The following SOX13 variants were observed in gnomAD, a reference collection of about 807,000 sequenced individuals.
SOX13 encodes transcription factor SOX-13.
Under a neutral mutation model 71.8 loss-of-function variants are expected in SOX13, and 28 were observed. The observed-to-expected ratio is 0.39, with a 90% CI of 0.29 to 0.53. SOX13 has a LOEUF of 0.53. Ranked by LOEUF, SOX13 falls within the 20% of genes least tolerant of loss-of-function variation. The pLI is 0.70. For synonymous variants in SOX13, 309 were observed against 317.8 expected (o/e 0.97, Z 0.29); for missense variants, 627 against 810.3 (o/e 0.77, Z 2.75).
chr1:204,105,413 C>CTTTTTTT (rs35841451), intron 1 of SOX13, among the ~76,000 whole-genome samples: 2 of 137,960 alleles, frequency 1.4e-5, no homozygotes, highest in Non-Finnish European at 1.5e-5. Flanking sequence ...TGTATAATCT[C>CTTTTTTT]TTTTTTTTTT....
chr1:204,126,184 C>A lies in SOX13; in HGVS notation c.*50C>A. The A allele has an allele frequency of 6.3e-7, 1 of 1,579,064 alleles. No individual in the cohort carries two copies. ...TTCTCCTCTGGGGAAGACCTTGTCCCAACTCGATGGGCACAGCCAGCCAAC... is the reference window on the plus strand; with the variant it reads ...TTCTCCTCTGGGGAAGACCTTGTCCAAACTCGATGGGCACAGCCAGCCAAC... On this transcript the variant is annotated 3_prime_UTR_variant, in exon 14 of 14. Transcript: ENST00000367204.
rs147486753 is a variant in SOX13 at position 204,122,695 on chromosome 1, C to T, written c.1025-159C>T. ...AGTGTAAGTGGCATATCCCTGAGGA[C>T]ATGCAATGCAGCCGCCCTGTGGAAG... On this transcript the variant is annotated intron_variant, in intron 9 of 13. Transcript: ENST00000367204. The T allele has an allele frequency of 5.0e-5, 31 of 617,166 alleles. No homozygotes were observed. The African/African-American group carries it at 5.6e-4, about 11-fold the overall frequency. 38.2% of individuals were successfully genotyped at this position (617,166 alleles called of 1,614,324 possible). A position where few individuals can be genotyped will look rare whatever the true frequency, so the allele number is the denominator to read the frequency against.
At chr1:204,090,645 A>G (rs561616355) in intron 1 of SOX13, among the ~76,000 whole-genome samples, 1 of 152,082 alleles carries the variant, frequency 6.6e-6, no homozygotes, top group Non-Finnish European at 1.5e-5. Flanking sequence ...TCCTGGCCTC[A>G]AGTGATCCAC....
chr1:204,083,773 G>T (rs72747863), intron 1 of SOX13, among the ~76,000 whole-genome samples: 24,311 of 152,126 alleles, frequency 0.16, 2,128 homozygotes, highest in East Asian at 0.35. Context: ...GGCCACCCTG[G>T]GCTGGGGCTG....
intron 1 of SOX13, among the ~76,000 whole-genome samples, chr1:204,109,802 G>C (rs1176720047): frequency 1.3e-5 from 2 of 151,866 alleles, no homozygotes; most frequent in East Asian, 3.8e-4. Context: ...CGTATACCTT[G>C]TTTTTTATTT....
At position 204,124,710 on chromosome 1, in the gene SOX13, G is replaced by A. The variant is rs757569889; in HGVS notation, c.1445G>A (p.Arg482Gln). The A allele has an allele frequency of 1.9e-6, 3 of 1,613,178 alleles. No homozygotes were observed. Among genetic ancestry groups the A allele is most frequent in the African/African-American group, 1.3e-5 (1 of 74,924 alleles). Residue 482 changes from arginine (R) to glutamine (Q), a missense_variant, in exon 13 of 14, where the codon CGG becomes CAG. Around this residue, in one of 3 missense-constraint regions of SOX13, gnomAD observed 32 missense variants for 85.4 expected, o/e 0.37. Transcript: ENST00000367204. Reference protein sequence around the residue: ...PYYEEQARLSRQHLEKYPDYK... With the variant: ...PYYEEQARLSQQHLEKYPDYK... ...TATGAGGAACAGGCGCGGCTGAGCC[G>A]GCAGCACCTGGAGAAGTATCCTGAC...
intron 1 of SOX13, among the ~76,000 whole-genome samples, chr1:204,097,703 A>G (rs1362354636): frequency 6.6e-6 from 1 of 151,660 alleles, no homozygotes; most frequent in Non-Finnish European, 1.5e-5. Flanking sequence ...CAAAAAAAAA[A>G]AAAAAGAAAA....
intron 1 of SOX13, among the ~76,000 whole-genome samples, chr1:204,085,689 A>C (rs1656001235): frequency 6.6e-6 from 1 of 151,976 alleles, no homozygotes; most frequent in Admixed American, 6.6e-5. Context: ...AAAAAAAAAA[A>C]AAGATCCAGG....
chr1:204,075,524 CAG>C (rs1266604504), intron 1 of SOX13, among the ~76,000 whole-genome samples: 5 of 152,228 alleles, frequency 3.3e-5, no homozygotes. Flanking sequence ...GCGAAATGGG[CAG>C]AGTTATGCAC....
intron 1 of SOX13, among the ~76,000 whole-genome samples, chr1:204,090,208 C>T (rs550902027): frequency 6.6e-6 from 1 of 152,224 alleles, no homozygotes; most frequent in African/African-American, 2.4e-5. Flanking sequence ...AGAGCCAGCA[C>T]AGAGAATGTG....
chr1:204,082,322 C>A (rs1655926400), intron 1 of SOX13, among the ~76,000 whole-genome samples: 1 of 152,010 alleles, frequency 6.6e-6, no homozygotes, highest in Non-Finnish European at 1.5e-5. Context: ...TCCTCCAACC[C>A]ATGGGAACCA....
chr1:204,106,090 A>C (rs1379389035), intron 1 of SOX13, among the ~76,000 whole-genome samples: 2 of 152,224 alleles, frequency 1.3e-5, no homozygotes, highest in Non-Finnish European at 1.5e-5. Flanking sequence ...GGATTATTTT[A>C]GTTTCTGGAA....
intron 13 of SOX13, 56 bp downstream of exon 13, chr1:204,124,913 A>G (rs572993322): frequency 1.5e-6 from 2 of 1,327,082 alleles, no homozygotes; most frequent in Non-Finnish European, 2.1e-6. Flanking sequence ...TGTAGCTCTC[A>G]TGAGTGGCTG....
At chr1:204,122,442 G>T in intron 9 of SOX13, 43 bp downstream of exon 9, 1 of 1,520,670 alleles carries the variant, frequency 6.6e-7, no homozygotes, top group East Asian at 2.4e-5. Flanking sequence ...GCCCTCTTAG[G>T]GGAGAGCCGG....
At position 204,117,102 on chromosome 1, in the gene SOX13, C is replaced by CT. The variant is rs1366542784; in HGVS notation, c.592-19dup. On this transcript the variant is annotated intron_variant, in intron 5 of 13. Transcript: ENST00000367204. The stretch of plus-strand genomic sequence containing the variant: ...GGCTAATGTCCGTGACCCCCTCTGC[C>CT]TACTCTTTCCCTCTCCCAGATTGCA... 4 of 1,613,188 alleles carry CT rather than the reference C, an allele frequency of 2.5e-6. No homozygotes were observed. Among genetic ancestry groups the CT allele is most frequent in the Non-Finnish European group, 3.4e-6 (4 of 1,179,466 alleles).
Position 204,127,008 on chromosome 1 carries a change from C to T in SOX13, c.*874C>T, listed in dbSNP as rs984399140. 1 of 153,736 alleles carries T rather than the reference C, an allele frequency of 6.5e-6. No individual in the cohort carries two copies. Among genetic ancestry groups the T allele is most frequent in the Non-Finnish European group, 1.5e-5 (1 of 68,806 alleles). The allele number at this position is 153,736 out of a possible 1,614,324, so 9.5% of individuals were successfully genotyped here. On this transcript the variant is annotated 3_prime_UTR_variant, in exon 14 of 14. Transcript: ENST00000367204. ...GTAGGCCCCTGGTCTGCCCTGGGCTCATCAGCCTTCCTGACCTCCTCCTGC... is the reference window on the plus strand; with the variant it reads ...GTAGGCCCCTGGTCTGCCCTGGGCTTATCAGCCTTCCTGACCTCCTCCTGC...
chr1:204,124,527 A>G (rs1466259476), intron 12 of SOX13, 114 bp from the exon 13 acceptor site: 2 of 821,448 alleles, frequency 2.4e-6, no homozygotes, highest in Non-Finnish European at 3.9e-6. Flanking sequence ...GTGCTTGCAC[A>G]TATATTATCT....
Position 204,125,975 on chromosome 1 carries a change from C to T in SOX13, c.1710C>T (p.Asn570=). Residue 570 remains asparagine, a synonymous_variant, in exon 14 of 14, where the codon AAC becomes AAT. Transcript: ENST00000367204. The stretch of plus-strand genomic sequence containing the variant: ...ATGTCCCTCGTAGCCTGGACCCCAA[C>T]ATGCCTGTGATCGTCAACACCTGCA... The part of the protein sequence containing the change: ...EHYVPRSLDP[N]MPVIVNTCSL... 1 of 1,614,000 alleles carries T rather than the reference C, an allele frequency of 6.2e-7. No homozygotes were observed. The highest frequency in any genetic ancestry group is 8.5e-7 in the Non-Finnish European group (1 of 1,179,894).
chr1:204,112,194 A>C (rs1008508786), intron 1 of SOX13, among the ~76,000 whole-genome samples: 2 of 152,172 alleles, frequency 1.3e-5, no homozygotes, highest in Non-Finnish European at 2.9e-5. Context: ...TAATTCCAGC[A>C]CTTTGGGAGG....
Sources: gnomAD v4.1 joint callset for allele counts (sites outside exome capture counted in the v4.1 genomes callset) on GRCh38, gnomAD v4.1.1 for gene constraint, gnomAD v4.1.1 regional missense constraint, MANE v1.5 for transcripts, NCBI Gene and HGNC (gene_info 2026-07-23, HGNC 2026-07-21) for gene names.